The following LSAMP variants were observed in gnomAD, a reference collection of about 807,000 sequenced individuals.
LSAMP encodes limbic system associated membrane protein, also known as limbic system-associated membrane protein.
In LSAMP, 7 loss-of-function variants were observed where a neutral mutation model predicts 38.6. That is an observed-to-expected ratio of 0.18 (90% CI 0.10 to 0.34). The LOEUF (loss-of-function observed/expected upper bound fraction) is 0.34. LSAMP is among the 10% of genes least tolerant of loss of function. The pLI, the probability that LSAMP is intolerant of heterozygous loss-of-function variation, is 1.00. For synonymous variants in LSAMP, 154 were observed against 166.8 expected (o/e 0.92, Z 0.59); for missense variants, 313 against 420.0 (o/e 0.75, Z 2.23).
intron 3 of LSAMP, among the ~76,000 whole-genome samples, chr3:115,948,987 G>T (rs1368050324): frequency 1.3e-5 from 2 of 152,116 alleles, no homozygotes; most frequent in East Asian, 3.9e-4. Context: ...ACCAAAATTA[G>T]CCAGGCATGA....
chr3:115,973,354 G>A (rs1939077285), intron 3 of LSAMP, among the ~76,000 whole-genome samples: 1 of 152,156 alleles, frequency 6.6e-6, no homozygotes. Flanking sequence ...AAGTGTTTCA[G>A]ATTTTGAATT....
In LSAMP at chr3:116,237,776, C is replaced by G. The variant is rs138538268; in HGVS notation, c.156-151220G>C. Among the ~76,000 whole-genome samples the G allele has an allele frequency of 1.3e-3, 198 of 152,284 alleles. 1 individual carries two copies. Among genetic ancestry groups the G allele is most frequent in the Non-Finnish European group, 1.7e-3 (116 of 68,004 alleles). On this transcript the variant is annotated intron_variant, in intron 1 of 6. Transcript: ENST00000490035. Reference sequence around the variant, plus strand: ...ACACACGCCATTCAACTCTGAAGTTCATGCTCTTAATTACTGCATAATTCA... The same window carrying G: ...ACACACGCCATTCAACTCTGAAGTTGATGCTCTTAATTACTGCATAATTCA...
chr3:115,965,867 GA>G (rs1347601604), intron 3 of LSAMP, among the ~76,000 whole-genome samples: 1 of 152,100 alleles, frequency 6.6e-6, no homozygotes, highest in African/African-American at 2.4e-5. Context: ...TTTGAGTGTG[GA>G]AAGTATGTAG....
chr3:116,398,933 C>A (rs528674468), intron 1 of LSAMP, among the ~76,000 whole-genome samples: 101 of 152,206 alleles, frequency 6.6e-4, no homozygotes, highest in African/African-American at 2.2e-3. Flanking sequence ...TTAGGGAAAG[C>A]TTTCCAGAGG....
At chr3:116,120,275 G>A (rs961836214) in intron 1 of LSAMP, among the ~76,000 whole-genome samples, 1 of 152,178 alleles carries the variant, frequency 6.6e-6, no homozygotes, top group Non-Finnish European at 1.5e-5. Flanking sequence ...GGTGGGAGGC[G>A]TGAGCTAATT....
intron 1 of LSAMP, among the ~76,000 whole-genome samples, chr3:116,092,076 C>T (rs1173903228): frequency 6.6e-6 from 1 of 152,100 alleles, no homozygotes; most frequent in Non-Finnish European, 1.5e-5. Flanking sequence ...CCTCACTGAG[C>T]CTAAATACCA....
At chr3:115,852,372 G>T in intron 4 of LSAMP, 111 bp downstream of exon 4, 1 of 1,293,816 alleles carries the variant, frequency 7.7e-7, no homozygotes, top group Non-Finnish European at 1.0e-6. Flanking sequence ...CCTGGCCAGA[G>T]GAGCATCTGC....
chr3:115,860,213 C>T (rs185874627), intron 3 of LSAMP, among the ~76,000 whole-genome samples: 3 of 152,314 alleles, frequency 2.0e-5, no homozygotes, highest in Non-Finnish European at 2.9e-5. Context: ...ATTTAATTCA[C>T]GATAGTTTTA....
At chr3:116,384,249 A>G (rs1347406688) in intron 1 of LSAMP, among the ~76,000 whole-genome samples, 1 of 152,058 alleles carries the variant, frequency 6.6e-6, no homozygotes, top group African/African-American at 2.4e-5. Flanking sequence ...TCACGTCTCA[A>G]TTTGGGATGA....
At chr3:116,262,016 T>C (rs2046832943) in intron 1 of LSAMP, among the ~76,000 whole-genome samples, 1 of 151,970 alleles carries the variant, frequency 6.6e-6, no homozygotes, top group Non-Finnish European at 1.5e-5. Context: ...AGCACAAGAA[T>C]AATTTATGTA....
At chr3:116,051,598 A>C (rs576583691) in intron 2 of LSAMP, among the ~76,000 whole-genome samples, 1 of 152,346 alleles carries the variant, frequency 6.6e-6, no homozygotes, top group Non-Finnish European at 1.5e-5. Flanking sequence ...CCCTAAAGCC[A>C]TCACCCTAGC....
chr3:116,433,913 A>G (rs2049312699), intron 1 of LSAMP, among the ~76,000 whole-genome samples: 1 of 152,148 alleles, frequency 6.6e-6, no homozygotes, highest in Non-Finnish European at 1.5e-5. Flanking sequence ...AGAAAGGGGC[A>G]TGCTTTGTCT....
intron 1 of LSAMP, among the ~76,000 whole-genome samples, chr3:116,261,312 AG>A (rs2046822437): frequency 6.6e-6 from 1 of 152,198 alleles, no homozygotes; most frequent in Non-Finnish European, 1.5e-5. Context: ...CAAACCTAGA[AG>A]GGGGATGCCA....
chr3:115,923,016 C>G (rs1009828241), intron 3 of LSAMP, among the ~76,000 whole-genome samples: 1 of 152,192 alleles, frequency 6.6e-6, no homozygotes, highest in African/African-American at 2.4e-5. Flanking sequence ...AGGAAACCCT[C>G]TGAAAACTTG....
At chr3:116,042,375 T>G (rs976177862) in intron 2 of LSAMP, among the ~76,000 whole-genome samples, 1 of 152,152 alleles carries the variant, frequency 6.6e-6, no homozygotes, top group Non-Finnish European at 1.5e-5. Flanking sequence ...TGTTCTGTTC[T>G]ATCGGTCTTA....
intron 6 of LSAMP, among the ~76,000 whole-genome samples, chr3:115,813,166 C>T (rs758520565): frequency 1.3e-5 from 2 of 151,950 alleles, no homozygotes; most frequent in Non-Finnish European, 2.9e-5. Context: ...TTTTATCCTT[C>T]ATAATATTAT....
chr3:115,910,313 T>C (rs1168055592), intron 3 of LSAMP, among the ~76,000 whole-genome samples: 1 of 152,226 alleles, frequency 6.6e-6, no homozygotes, highest in Non-Finnish European at 1.5e-5. Context: ...GAAAGTTCTG[T>C]TGCAAATGTA....
At chr3:116,325,759 T>C (rs531981282) in intron 1 of LSAMP, among the ~76,000 whole-genome samples, 378 of 152,282 alleles carry the variant, frequency 2.5e-3, no homozygotes, top group Non-Finnish European at 3.7e-3. Context: ...GCTGAAGGTG[T>C]GAAAAAACTG....
chr3:115,878,731 G>A (rs184023837), intron 3 of LSAMP, among the ~76,000 whole-genome samples: 3 of 151,828 alleles, frequency 2.0e-5, no homozygotes, highest in East Asian at 1.9e-4. Flanking sequence ...CAAAGTGCTG[G>A]GATTACAGGC....
Sources: gnomAD v4.1 joint callset for allele counts (sites outside exome capture counted in the v4.1 genomes callset) on GRCh38, gnomAD v4.1.1 for gene constraint, MANE v1.5 for transcripts, NCBI Gene and HGNC (gene_info 2026-07-23, HGNC 2026-07-21) for gene names.